The following NF1 variants were observed in gnomAD, a reference collection of about 807,000 sequenced individuals.
NF1 encodes neurofibromin.
Under a neutral mutation model 325.7 loss-of-function variants are expected in NF1, and 122 were observed. The ratio of observed to expected loss-of-function variants is 0.37; its 90% CI spans 0.32 to 0.44. NF1 has a LOEUF of 0.44. Ranked by LOEUF, NF1 falls within the 20% of genes least tolerant of loss-of-function variation. The pLI, the probability that NF1 is intolerant of heterozygous loss-of-function variation, is 1.00. For synonymous variants in NF1, 1,091 were observed against 1,186.0 expected (o/e 0.92, Z 1.65); for missense variants, 2,140 against 3,415.4 (o/e 0.63, Z 9.31).
chr17:31,250,953 T>C (rs547064082), intron 30 of NF1: 2 of 191,392 alleles, frequency 1.0e-5, no homozygotes, highest in African/African-American at 4.6e-5. Flanking sequence ...GTGCATTGTT[T>C]AAGTATTGGG....
intron 29 of NF1, among the ~76,000 whole-genome samples, chr17:31,238,151 A>G (rs1209252616): frequency 6.6e-6 from 1 of 152,152 alleles, no homozygotes; most frequent in Non-Finnish European, 1.5e-5. Flanking sequence ...TGGAGTGCCT[A>G]GAGAGTTAAA....
At chr17:31,302,411 T>C (rs968011755) in intron 36 of NF1, among the ~76,000 whole-genome samples, 1 of 152,174 alleles carries the variant, frequency 6.6e-6, no homozygotes, top group African/African-American at 2.4e-5. Context: ...AGAACAGTTA[T>C]GATGATTTAA....
At chr17:31,248,748 C>CCTGACCTCAAATGAT (rs1266645004) in intron 29 of NF1, among the ~76,000 whole-genome samples, 1 of 152,096 alleles carries the variant, frequency 6.6e-6, no homozygotes, top group Non-Finnish European at 1.5e-5. Context: ...GTCTTGAACT[C>CCTGACCTCAAATGAT]CTGACCTCAA....
chr17:31,235,566 A>G, intron 27 of NF1, 45 bp from the exon 28 acceptor site: 11 of 1,610,740 alleles, frequency 6.8e-6, no homozygotes, highest in Non-Finnish European at 9.3e-6. Flanking sequence ...ACCTAAGAAT[A>G]AAAATGGGAT....
chr17:31,158,690 A>G (rs2143643113), intron 2 of NF1, among the ~76,000 whole-genome samples: 1 of 152,262 alleles, frequency 6.6e-6, no homozygotes, highest in Non-Finnish European at 1.5e-5. Context: ...AAGTATAGTT[A>G]AATCCCCAAT....
At chr17:31,284,614 T>C (rs1597780186) in intron 36 of NF1, among the ~76,000 whole-genome samples, 2 of 150,958 alleles carry the variant, frequency 1.3e-5, no homozygotes, top group Non-Finnish European at 3.0e-5. Context: ...AGAGACGGGG[T>C]TTCGCTATGT....
Position 31,223,458 on chromosome 17 carries a change from T to G in NF1, c.1736T>G (p.Phe579Cys), listed in dbSNP as rs1398363349. 1.2e-6 allele frequency: 2 copies of G among 1,612,568 alleles called. No individual in the cohort carries two copies. Among genetic ancestry groups the G allele is most frequent in the East Asian group, 4.5e-5 (2 of 44,780 alleles). ...TFWEISSQML[F>C]YICKKLTSHQ... ...TGTTACTGCAGCTCACAAATGCTTT[T>G]TTACATCTGCAAGAAATTAACTAGT... The change falls in exon 16 of 58, where the codon TTT (phenylalanine) becomes TGT (cysteine). Residue 579 changes from phenylalanine (F) to cysteine (C), a missense_variant. Phe to Cys is a radical substitution (Grantham distance 205). Around this residue, in one of 10 missense-constraint regions of NF1, gnomAD observed 179 missense variants for 381.0 expected, o/e 0.47. Transcript: ENST00000358273.
chr17:31,254,728 G>GT (rs917770146), intron 31 of NF1, among the ~76,000 whole-genome samples: 111 of 150,000 alleles, frequency 7.4e-4, no homozygotes, highest in African/African-American at 2.4e-3. Context: ...TTCTTGAAAT[G>GT]TTTTTTTTTC....
rs899005154 is a variant in NF1 at position 31,360,961 on chromosome 17, G to A, written c.8377+258G>A. The A allele has an allele frequency of 1.1e-5, 6 of 523,552 alleles. No homozygotes were observed. The Admixed American group carries it at 1.3e-4, about 11-fold the overall frequency. 32.4% of individuals were successfully genotyped at this position (523,552 alleles called of 1,614,324 possible). ...AGGTTGACAAGTTTGTAGAGTTTGG[G>A]CAGGAAGAGGAACTTAAAACACATT... On this transcript the variant is annotated intron_variant, in intron 57 of 57. Transcript: ENST00000358273.
At chr17:31,259,451 C>T (rs2067646087) in intron 33 of NF1, among the ~76,000 whole-genome samples, 1 of 151,984 alleles carries the variant, frequency 6.6e-6, no homozygotes, top group South Asian at 2.1e-4. Context: ...AAACTAAAAC[C>T]AAATTGGTAT....
chr17:31,358,759 C>A, intron 55 of NF1, 137 bp downstream of exon 55: 1 of 1,256,636 alleles, frequency 8.0e-7, no homozygotes, highest in Non-Finnish European at 1.1e-6. Flanking sequence ...TTTTTTTACT[C>A]TCTCAACTGT....
chr17:31,121,251 A>C (rs1012822396), intron 1 of NF1, among the ~76,000 whole-genome samples: 9 of 152,376 alleles, frequency 5.9e-5, no homozygotes, highest in South Asian at 2.1e-4. Context: ...AGAAGGGAAT[A>C]GGAATGGTAA....
At chr17:31,157,576 C>G (rs1465769969) in intron 2 of NF1, among the ~76,000 whole-genome samples, 2 of 152,030 alleles carry the variant, frequency 1.3e-5, no homozygotes, top group African/African-American at 4.8e-5. Context: ...AGTGATCCCA[C>G]TAGGGTAATT....
chr17:31,255,565 G>A (rs1486239927), intron 31 of NF1, among the ~76,000 whole-genome samples: 1 of 152,124 alleles, frequency 6.6e-6, no homozygotes, highest in African/African-American at 2.4e-5. Flanking sequence ...GAGACAGTAT[G>A]TGTTCCTGAG....
chr17:31,203,219 T>C (rs956590530), intron 11 of NF1, among the ~76,000 whole-genome samples: 1 of 152,144 alleles, frequency 6.6e-6, no homozygotes. Context: ...TGAAAGTGGC[T>C]GTGCATCCTC....
Position 31,259,268 on chromosome 17 carries a change from C to G in NF1, c.4430+139C>G, listed in dbSNP as rs1299851498. Reference sequence around the variant, plus strand: ...TGCTCTAGGTCAAGACATAGCTTGTCTTATTTTATTTTACTATAAAAGACA... The same window carrying G: ...TGCTCTAGGTCAAGACATAGCTTGTGTTATTTTATTTTACTATAAAAGACA... On this transcript the variant is annotated intron_variant, in intron 33 of 57. Coordinates refer to ENST00000358273, the MANE Select transcript of NF1 (RefSeq NM_001042492.3). The G allele has an allele frequency of 5.2e-6, 3 of 579,474 alleles. No individual in the cohort carries two copies. The African/African-American group carries it at 5.6e-5, about 11-fold the overall frequency. 35.9% of individuals were successfully genotyped at this position (579,474 alleles called of 1,614,324 possible). A position where few individuals can be genotyped will look rare whatever the true frequency, so the allele number is the denominator to read the frequency against.
chr17:31,166,592 A>C (rs567106652), intron 4 of NF1, among the ~76,000 whole-genome samples: 13 of 152,272 alleles, frequency 8.5e-5, no homozygotes, highest in South Asian at 2.1e-4. Flanking sequence ...CTAAACTCTT[A>C]GAAGGTAAAC....
At chr17:31,206,128 T>A in intron 11 of NF1, 112 bp from the exon 12 acceptor site, 6 of 1,180,604 alleles carry the variant, frequency 5.1e-6, no homozygotes, top group Non-Finnish European at 7.6e-6. Flanking sequence ...GTTTGCATGG[T>A]CTTAGAAAGT....
intron 1 of NF1, among the ~76,000 whole-genome samples, chr17:31,139,567 T>G (rs1215718011): frequency 6.6e-6 from 1 of 152,172 alleles, no homozygotes; most frequent in Non-Finnish European, 1.5e-5. Context: ...TGTGAGATAA[T>G]TGGAAGCTCA....
Sources: gnomAD v4.1 joint callset for allele counts (sites outside exome capture counted in the v4.1 genomes callset) on GRCh38, gnomAD v4.1.1 for gene constraint, gnomAD v4.1.1 regional missense constraint, MANE v1.5 for transcripts, NCBI Gene and HGNC (gene_info 2026-07-23, HGNC 2026-07-21) for gene names.